Variants in NUP214 observed in about 807,000 individuals in gnomAD.
The protein encoded by NUP214 is nuclear pore complex protein Nup214.
NUP214 carries 79 observed loss-of-function variants against 196.2 expected under a neutral mutation model. That is an observed-to-expected ratio of 0.40 (90% confidence interval 0.34 to 0.49). The LOEUF (loss-of-function observed/expected upper bound fraction) is 0.49. NUP214 is among the 20% of genes least tolerant of loss of function. The pLI, the probability that NUP214 is intolerant of heterozygous loss-of-function variation, is 0.58. For synonymous variants in NUP214, 1,020 were observed against 990.5 expected, an observed-to-expected ratio of 1.03 and a Z score of -0.56; for missense variants, 2,468 against 2,539.0, an observed-to-expected ratio of 0.97 and a Z score of 0.60.
At chr9:131,228,037 T>C (rs1363259147) in intron 32 of NUP214, 123 bp from the exon 33 acceptor site, 3 of 959,006 alleles carry the variant, frequency 3.1e-6, no homozygotes, top group African/African-American at 3.5e-5. Flanking sequence ...TTTGAATTGC[T>C]AACATCCTCT....
At position 131,198,951 on chromosome 9, in the gene NUP214, T is replaced by C. The variant is rs372516442; in HGVS notation, c.5457T>C (p.Phe1819=). 3.1e-6 allele frequency: 5 copies of C among 1,613,844 alleles called. No homozygotes were observed. Among genetic ancestry groups the C allele is most frequent in the Non-Finnish European group, 3.4e-6 (4 of 1,179,824 alleles). Residue 1819 remains phenylalanine (F), a synonymous_variant, in exon 29 of 36, where the codon TTT becomes TTC. Coordinates refer to ENST00000359428, the MANE Select transcript of NUP214 (RefSeq NM_005085.4). The part of the protein sequence containing the change: ...SPGFGQGGSV[F]GGTSAATTTA... ...GCTTTGGACAGGGAGGCTCTGTCTT[T>C]GGTGGTACCTCAGCTGCCACCACAA...
At chr9:131,160,384 T>C (rs1832593261) in intron 18 of NUP214, among the ~76,000 whole-genome samples, 1 of 152,226 alleles carries the variant, frequency 6.6e-6, no homozygotes, top group African/African-American at 2.4e-5. Context: ...AAAACATTTG[T>C]AATTAGTGTG....
At chr9:131,223,708 TA>T (rs1834628858) in intron 32 of NUP214, among the ~76,000 whole-genome samples, 2 of 72,764 alleles carry the variant, frequency 2.7e-5, no homozygotes, top group African/African-American at 4.8e-5. Context: ...ACTTTTTTTT[TA>T]TTTTTATTTA....
chr9:131,163,062 A>C lies in NUP214; in HGVS notation c.2612A>C (p.Gln871Pro), dbSNP rs774122275. The change falls in exon 19 of 36, where the codon CAG (glutamine) becomes CCG (proline). Residue 871 changes from glutamine (Q) to proline (P), a missense_variant. Transcript: ENST00000359428. Reference sequence around the variant, plus strand: ...AACAATCGGGAAATCATCAACCAACAGAGGAAGAGGCTGAATCACCTGGTG... The same window carrying C: ...AACAATCGGGAAATCATCAACCAACCGAGGAAGAGGCTGAATCACCTGGTG... ...LANNREIINQ[Q>P]RKRLNHLVDS... 6.2e-7 allele frequency: 1 copy of C among 1,614,222 alleles called. No individual in the cohort carries two copies. Among genetic ancestry groups the C allele is most frequent in the Non-Finnish European group, 8.5e-7 (1 of 1,180,030 alleles).
intron 30 of NUP214, among the ~76,000 whole-genome samples, chr9:131,202,820 C>T (rs561815061): frequency 2.0e-5 from 3 of 152,146 alleles, no homozygotes; most frequent in Admixed American, 6.5e-5. Flanking sequence ...CCCTCTGCTA[C>T]GCTATATGTA....
chr9:131,149,828 G>C (rs138745815), intron 14 of NUP214: 3,528 of 154,762 alleles, frequency 0.023, 51 homozygotes, highest in Non-Finnish European at 0.029. Context: ...ACTTCACAGA[G>C]CCCACATTTA....
chr9:131,225,983 A>G (rs775259536), intron 32 of NUP214, among the ~76,000 whole-genome samples: 3 of 152,162 alleles, frequency 2.0e-5, no homozygotes, highest in Non-Finnish European at 4.4e-5. Flanking sequence ...CTGTCTCGCT[A>G]AAGTGTTAGA....
intron 16 of NUP214, among the ~76,000 whole-genome samples, 159 bp from the exon 17 acceptor site, chr9:131,151,577 T>G (rs749893948): frequency 3.9e-5 from 6 of 152,218 alleles, no homozygotes; most frequent in Non-Finnish European, 8.8e-5. Context: ...AACATTAGTG[T>G]CGTTCTAAAC....
rs374174212 is a variant in NUP214, at chr9:131,198,223, G to A, written c.4729G>A (p.Ala1577Thr). The change falls in exon 29 of 36, where the codon GCC (alanine) becomes ACC (threonine). Residue 1577 changes from alanine to threonine, a missense_variant. By Grantham distance (58) the Ala-to-Thr change is moderately conservative (BLOSUM62 0). Coordinates refer to ENST00000359428, the MANE Select transcript of NUP214 (RefSeq NM_005085.4). ...CCCAGCCACCACGGGGGTCCCTGATGCCAGGACGGAGGCAGTACCACCTGC... is the reference window on the plus strand; with the variant it reads ...CCCAGCCACCACGGGGGTCCCTGATACCAGGACGGAGGCAGTACCACCTGC... Reference protein sequence around the residue: ...ATPATTGVPDARTEAVPPASS... With the variant: ...ATPATTGVPDTRTEAVPPASS... 4.2e-5 allele frequency: 68 copies of A among 1,614,228 alleles called. No individual in the cohort carries two copies. Among genetic ancestry groups the A allele is most frequent in the African/African-American group, 3.7e-4 (28 of 75,054 alleles).
chr9:131,214,303 A>G (rs1386493133), intron 30 of NUP214, among the ~76,000 whole-genome samples: 3 of 152,210 alleles, frequency 2.0e-5, no homozygotes, highest in Non-Finnish European at 2.9e-5. Context: ...TTTTGAGCAT[A>G]TAAGTCTGTT....
At chr9:131,145,203 T>C (rs1832053802) in intron 12 of NUP214, among the ~76,000 whole-genome samples, 1 of 152,100 alleles carries the variant, frequency 6.6e-6, no homozygotes, top group South Asian at 2.1e-4. Context: ...TTCTTCTGCT[T>C]GACAGTCCCT....
rs754885807 is a variant in NUP214 at position 131,151,808 on chromosome 9, G to A, written c.2350G>A (p.Glu784Lys). The A allele has an allele frequency of 3.7e-6, 6 of 1,613,644 alleles. No individual in the cohort carries two copies. The highest frequency in any genetic ancestry group is 5.1e-6 in the Non-Finnish European group (6 of 1,179,898). ...CTTTGCTGGTGTTGAGGAAGCCAGA[G>A]AACAAAATGAAAGAAATCGTGACTC... ...EGFAGVEEAR[E>K]QNERNRDSGY... The change falls in exon 17 of 36, where the codon GAA becomes AAA. Residue 784 changes from glutamate to lysine, a missense_variant. By Grantham distance (56) the Glu-to-Lys change is moderately conservative. Around this residue, in one of 5 missense-constraint regions of NUP214, gnomAD observed 1,801 missense variants for 1,779.4 expected, o/e 1.01. Transcript: ENST00000359428.
At chr9:131,226,750 C>G (rs2131102836) in intron 32 of NUP214, among the ~76,000 whole-genome samples, 1 of 152,256 alleles carries the variant, frequency 6.6e-6, no homozygotes. Flanking sequence ...AAAGTATCTT[C>G]TCAGTTGTGC....
rs756718438 is a variant in NUP214, at chr9:131,144,499, G to A, written c.1514G>A (p.Gly505Asp). 12 of 1,613,960 alleles carry A rather than the reference G, an allele frequency of 7.4e-6. No individual in the cohort carries two copies. The highest frequency in any genetic ancestry group is 3.3e-5 in the South Asian group (3 of 91,070). The change falls in exon 12 of 36, where the codon GGC becomes GAC. Residue 505 changes from glycine to aspartate, a missense_variant. Transcript: ENST00000359428. ...VTGEPPSYSS[G>D]SDSSKAAPGP... ...GGGGAGCCCCCTTCATATTCCAGTG[G>A]CTCCGACAGCTCCAAAGCAGCCCCA...
chr9:131,164,104 G>C lies in NUP214; in HGVS notation c.2853G>C (p.Leu951Phe). The change falls in exon 21 of 36, where the codon TTG becomes TTC. Residue 951 changes from leucine to phenylalanine, a missense_variant. This residue lies in a region of NUP214 where 1,801 missense variants were observed against 1,779.4 expected (regional missense o/e 1.01). Transcript: ENST00000359428. ...AACAGGCACAACTGAGAAACTTCTT[G>C]GCCAAGAGGAAGACCCCACCAGTGA... is the stretch of plus-strand genomic sequence containing the variant. The part of the protein sequence containing the change: ...PMKQAQLRNF[L>F]AKRKTPPVRS... 1.2e-6 allele frequency: 2 copies of C among 1,614,120 alleles called. No individual in the cohort carries two copies. Among genetic ancestry groups the C allele is most frequent in the East Asian group, 2.2e-5 (1 of 44,880 alleles).
chr9:131,151,825 T>C lies in NUP214; in HGVS notation c.2367T>C (p.Asn789=). The change falls in exon 17 of 36, where the codon AAT becomes AAC. Residue 789 remains asparagine, a synonymous_variant. Transcript: ENST00000359428. ...AAGCCAGAGAACAAAATGAAAGAAA[T>C]CGTGACTCTGGTTATCTGCATTTGC... The part of the protein sequence containing the change: ...VEEAREQNER[N]RDSGYLHLLY... 6.2e-7 allele frequency: 1 copy of C among 1,613,660 alleles called. No homozygotes were observed. The highest frequency in any genetic ancestry group is 8.5e-7 in the Non-Finnish European group (1 of 1,179,924).
At position 131,187,302 on chromosome 9, in the gene NUP214, T is replaced by G. The variant is rs1447161519; in HGVS notation, c.3433T>G (p.Tyr1145Asp). ...PSTAMGSSVP[Y>D]STAKTPHPVL... ...TGTGTTTTTCAGTTCTTCAGTGCCC[T>G]ACTCCACAGCCAAAACACCTCACCC... The change falls in exon 25 of 36, where the codon TAC (tyrosine) becomes GAC (aspartate). Residue 1145 changes from tyrosine to aspartate, a missense_variant. Physicochemically the swap from Tyr to Asp is radical, Grantham distance 160. Coordinates refer to ENST00000359428, the MANE Select transcript of NUP214 (RefSeq NM_005085.4). The G allele has an allele frequency of 2.5e-6, 4 of 1,613,352 alleles. No individual in the cohort carries two copies. Among genetic ancestry groups the G allele is most frequent in the Non-Finnish European group, 2.5e-6 (3 of 1,179,594 alleles).
intron 34 of NUP214, among the ~76,000 whole-genome samples, chr9:131,231,912 CAAAA>C (rs900440054): frequency 4.6e-4 from 20 of 43,952 alleles, no homozygotes; most frequent in Non-Finnish European, 7.3e-4. Flanking sequence ...ACAACAACAG[CAAAA>C]AAAAAAAAAA....
At chr9:131,216,360 G>A (rs1406465324) in intron 31 of NUP214, among the ~76,000 whole-genome samples, 1 of 150,540 alleles carries the variant, frequency 6.6e-6, no homozygotes, top group Non-Finnish European at 1.5e-5. Context: ...GAATAGCTGG[G>A]ATTACAGGTG....
Sources: gnomAD v4.1 joint callset for allele counts (sites outside exome capture counted in the v4.1 genomes callset) on GRCh38, gnomAD v4.1.1 for gene constraint, gnomAD v4.1.1 regional missense constraint, MANE v1.5 for transcripts, NCBI Gene and HGNC (gene_info 2026-07-23, HGNC 2026-07-21) for gene names.